The following OLFM1 variants were observed in gnomAD, a reference collection of about 807,000 sequenced individuals.
The protein encoded by OLFM1 is olfactomedin 1.
A neutral mutation model predicts 49.7 loss-of-function variants in OLFM1; 9 were observed. The observed-to-expected ratio is 0.18, with a 90% confidence interval of 0.11 to 0.32. The LOEUF is 0.32. OLFM1 is among the 10% of genes least tolerant of loss of function. The pLI is 1.00. For synonymous variants in OLFM1, 240 were observed against 271.8 expected, an observed-to-expected ratio of 0.88 and a Z score of 1.15; for missense variants, 369 against 661.8, an observed-to-expected ratio of 0.56 and a Z score of 4.85.
intron 2 of OLFM1, among the ~76,000 whole-genome samples, chr9:135,094,068 A>C (rs1830751249): frequency 6.6e-6 from 1 of 152,156 alleles, no homozygotes; most frequent in African/African-American, 2.4e-5. Flanking sequence ...TCTCCTCGGC[A>C]CTTGTGGGCC....
intron 1 of OLFM1, among the ~76,000 whole-genome samples, chr9:135,079,743 C>T (rs778766721): frequency 2.6e-5 from 4 of 152,156 alleles, no homozygotes; most frequent in African/African-American, 7.2e-5. Flanking sequence ...AAGATGGAAG[C>T]GGAGCTCTCC....
upstream of OLFM1, among the ~76,000 whole-genome samples, chr9:135,083,863 C>T (rs778994077): frequency 5.3e-5 from 8 of 152,216 alleles, no homozygotes; most frequent in East Asian, 1.9e-4. Flanking sequence ...AGTCGTGGCC[C>T]TTAGCCGTTC....
chr9:135,090,420 GCT>G lies in OLFM1; in HGVS notation c.300+78_300+79del, dbSNP rs1830669269. ...TGTGTGTGTGTGTACATGCCTGTGT[GCT>G]CACACCAGCACCAAGGCTTGGCTAG... On this transcript the variant is annotated intron_variant, in intron 2 of 5. Coordinates refer to ENST00000371793, the MANE Select transcript of OLFM1 (RefSeq NM_001282611.2). 3 of 1,448,582 alleles carry G rather than the reference GCT, an allele frequency of 2.1e-6. No individual in the cohort carries two copies. In the African/African-American group the frequency reaches 4.2e-5, roughly 20 times the overall value. The allele number at this position is 1,448,582 out of a possible 1,614,324, so 89.7% of individuals were successfully genotyped here.
rs1830514366 is a variant in OLFM1, at chr9:135,080,139, C to T, written c.96+4337C>T. Among the ~76,000 whole-genome samples the T allele has an allele frequency of 6.6e-6, 1 of 151,926 alleles. No homozygotes were observed. Among genetic ancestry groups the T allele is most frequent in the Non-Finnish European group, 1.5e-5 (1 of 68,008 alleles). On this transcript the variant is annotated intron_variant, in intron 1 of 5. Coordinates refer to the OLFM1 transcript ENST00000252854. This position sits in a 1 kb window ranked among gnomAD's most constrained non-coding sequence, Gnocchi z 4.5. ...TTTAGCTCATTCTAGAGCTGAAGAC[C>T]TCACTTCACTGCCCTGAGCAAATCC...
intron 5 of OLFM1, among the ~76,000 whole-genome samples, chr9:135,114,176 ATGCTGGAG>A (rs56678382): frequency 0.4 from 51,071 of 127,984 alleles, 11,966 homozygotes; most frequent in African/African-American, 0.68. Flanking sequence ...TCTGTTGCCC[ATGCTGGAG>A]TGCTGGAGTG....
chr9:135,110,636 G>A (rs1056549772), intron 5 of OLFM1, among the ~76,000 whole-genome samples: 1 of 152,074 alleles, frequency 6.6e-6, no homozygotes, highest in Admixed American at 6.6e-5. Flanking sequence ...AAACATCAAC[G>A]CCCCTTCCAG....
Position 135,117,934 on chromosome 9 carries a change from A to G in OLFM1, c.784-1570A>G, listed in dbSNP as rs1278438617. Among the ~76,000 whole-genome samples the G allele has an allele frequency of 6.6e-6, 1 of 152,172 alleles. No individual in the cohort carries two copies. Among genetic ancestry groups the G allele is most frequent in the Non-Finnish European group, 1.5e-5 (1 of 68,036 alleles). On this transcript the variant is annotated intron_variant, in intron 5 of 5. Transcript: ENST00000371793. The surrounding 1 kb of genome is among the most constrained non-coding windows in gnomAD (Gnocchi z 5.5). ...CTAGACCCTTTCTTCAAACTGGGCC[A>G]TCCTTTCTCTGATAGCACAATAGCT...
rs1018509025 is a variant in OLFM1 at position 135,098,867 on chromosome 9, T to C, written c.676+362T>C. 2.0e-5 allele frequency among the ~76,000 whole-genome samples: 3 copies of C among 152,218 alleles called. No individual in the cohort carries two copies. The highest frequency in any genetic ancestry group is 2.9e-5 in the Non-Finnish European group (2 of 68,040). On this transcript the variant is annotated intron_variant, in intron 4 of 5. Coordinates refer to ENST00000371793, the MANE Select transcript of OLFM1 (RefSeq NM_001282611.2). This position sits in a 1 kb window ranked among gnomAD's most constrained non-coding sequence, Gnocchi z 5.6. ...CAATAACATCTCAGATTCCTCCGGA[T>C]TGAGAACGGGGGCTGGTGGAGCTCC... is the stretch of plus-strand genomic sequence containing the variant.
In OLFM1 at chr9:135,118,759, T is replaced by C. The variant is rs556581950; in HGVS notation, c.784-745T>C. 1.7e-4 allele frequency among the ~76,000 whole-genome samples: 24 copies of C among 137,812 alleles called. No homozygotes were observed. The South Asian group carries it at 1.8e-3, about 10-fold the overall frequency. The allele number at this position is 137,812 out of a possible 152,430, so 90.4% of individuals were successfully genotyped here. On this transcript the variant is annotated intron_variant, in intron 5 of 5. Transcript: ENST00000371793. ...GGTCTCTGGAGTGCTCACTGGGTCT[T>C]TGGAGTGCTCGCCGTGTCTTTGGAG...
intron 1 of OLFM1, among the ~76,000 whole-genome samples, chr9:135,078,730 A>G (rs1383538817): frequency 6.6e-6 from 1 of 152,212 alleles, no homozygotes; most frequent in Non-Finnish European, 1.5e-5. Flanking sequence ...CCTGGGCTCC[A>G]GGCCCACCGC....
intron 1 of OLFM1, chr9:135,076,791 C>T (rs1175354933): frequency 1.3e-6 from 2 of 1,521,348 alleles, no homozygotes; most frequent in Non-Finnish European, 1.8e-6. Context: ...TTTCCTTCCT[C>T]CCTTCCTCCA....
At chr9:135,089,200 G>T (rs1830645887) in intron 1 of OLFM1, among the ~76,000 whole-genome samples, 1 of 152,216 alleles carries the variant, frequency 6.6e-6, no homozygotes, top group Admixed American at 6.5e-5. Context: ...TGATGACTTT[G>T]TTCCGGCCTG....
chr9:135,075,543 G>A (rs902862195), exon 1 of OLFM1: 1 of 354,454 alleles, frequency 2.8e-6, no homozygotes, highest in Non-Finnish European at 5.0e-6. Flanking sequence ...TATGCAGAGC[G>A]GAGGCTTCGC....
At chr9:135,104,400 T>G (rs1378661948) in intron 4 of OLFM1, among the ~76,000 whole-genome samples, 1 of 152,166 alleles carries the variant, frequency 6.6e-6, no homozygotes, top group Non-Finnish European at 1.5e-5. Context: ...AGACACCTGG[T>G]CTCCTTCCGG....
chr9:135,087,662 G>A (rs1180515604), upstream of OLFM1: 1 of 497,678 alleles, frequency 2.0e-6, no homozygotes, highest in Non-Finnish European at 2.9e-6. Flanking sequence ...AGCCCGCGCA[G>A]CGCTCAGAGC....
chr9:135,091,886 C>T (rs1400090154), intron 2 of OLFM1, among the ~76,000 whole-genome samples: 14 of 81,462 alleles, frequency 1.7e-4, no homozygotes, highest in African/African-American at 6.6e-4. Flanking sequence ...CACACACACA[C>T]TCACACATAG....
At chr9:135,089,666 G>T (rs1008436577) in intron 1 of OLFM1, among the ~76,000 whole-genome samples, 7 of 152,218 alleles carry the variant, frequency 4.6e-5, no homozygotes, top group Admixed American at 3.9e-4. Context: ...CACAGCTCTG[G>T]GCGAATAGGC....
chr9:135,112,622 C>T (rs955573571), intron 5 of OLFM1, among the ~76,000 whole-genome samples: 2 of 152,224 alleles, frequency 1.3e-5, no homozygotes, highest in Admixed American at 1.3e-4. Context: ...TTCTCCCAGT[C>T]GGTGGGTGAC....
intron 1 of OLFM1, among the ~76,000 whole-genome samples, chr9:135,078,471 G>A (rs374102379): frequency 2.2e-4 from 33 of 152,340 alleles, no homozygotes; most frequent in African/African-American, 7.9e-4. Context: ...GCTTACTTAC[G>A]ATGAGACACT....
Sources: gnomAD v4.1 joint callset for allele counts (sites outside exome capture counted in the v4.1 genomes callset) on GRCh38, gnomAD v4.1.1 for gene constraint, Gnocchi (gnomAD v3.1) non-coding constraint, MANE v1.5 for transcripts, NCBI Gene and HGNC (gene_info 2026-07-23, HGNC 2026-07-21) for gene names.